LRPPRC: variants seen among roughly 807,000 people sequenced by gnomAD.
The protein encoded by LRPPRC is leucine-rich PPR motif-containing protein, mitochondrial.
In LRPPRC, 120 loss-of-function variants were observed where a neutral mutation model predicts 180.3. That is an observed-to-expected ratio of 0.67 (90% CI 0.57 to 0.77). LRPPRC has a LOEUF of 0.77. Ranked by LOEUF, LRPPRC falls within the 30% of genes least tolerant of loss-of-function variation. The pLI is 0.00. For synonymous variants in LRPPRC, 723 were observed against 600.0 expected, an observed-to-expected ratio of 1.21 and a Z score of -3.00; for missense variants, 2,012 against 1,657.2, an observed-to-expected ratio of 1.21 and a Z score of -3.72.
chr2:43,970,161 A>G (rs748322064), intron 11 of LRPPRC, among the ~76,000 whole-genome samples: 14 of 152,232 alleles, frequency 9.2e-5, no homozygotes, highest in Non-Finnish European at 1.5e-4. Context: ...CCATCTTCTA[A>G]GCCTCAAATA....
At position 43,889,733 on chromosome 2, in the gene LRPPRC, C is replaced by T. The variant is rs1475772376; in HGVS notation, c.4128+1G>A. The stretch of plus-strand genomic sequence containing the variant: ...TTTCCCCTTAATTAAGAAATACTCA[C>T]AGGGGGTTCAATGAAAGGGACAGGC... On this transcript the variant is annotated splice_donor_variant, in intron 37 of 37. Coordinates refer to ENST00000260665, the MANE Select transcript of LRPPRC (RefSeq NM_133259.4). LOFTEE classifies it high-confidence loss of function. 4 of 1,610,276 alleles carry T rather than the reference C, an allele frequency of 2.5e-6. No homozygotes were observed. Among genetic ancestry groups the T allele is most frequent in the African/African-American group, 2.7e-5 (2 of 74,840 alleles).
At chr2:43,972,156 C>T (rs1451854161) in intron 11 of LRPPRC, among the ~76,000 whole-genome samples, 1 of 152,138 alleles carries the variant, frequency 6.6e-6, no homozygotes. Context: ...CTATTCTAAT[C>T]CCAGCCTAAT....
At chr2:43,906,607 C>A (rs1490786579) in intron 30 of LRPPRC, among the ~76,000 whole-genome samples, 1 of 152,190 alleles carries the variant, frequency 6.6e-6, no homozygotes, top group Non-Finnish European at 1.5e-5. Context: ...AAAATCTAAA[C>A]AGGTCAAAAG....
chr2:43,898,483 C>T (rs1200772643), intron 34 of LRPPRC, among the ~76,000 whole-genome samples: 2 of 152,186 alleles, frequency 1.3e-5, no homozygotes, highest in Non-Finnish European at 2.9e-5. Flanking sequence ...TTGACTGCCA[C>T]CTGCTGGGAA....
chr2:43,942,520 G>T (rs1672519431), intron 23 of LRPPRC, among the ~76,000 whole-genome samples: 1 of 152,098 alleles, frequency 6.6e-6, no homozygotes, highest in Non-Finnish European at 1.5e-5. Flanking sequence ...TTTTTGATTG[G>T]ATGGCAAAGG....
chr2:43,941,162 T>C (rs952086608), intron 23 of LRPPRC, among the ~76,000 whole-genome samples: 1 of 152,238 alleles, frequency 6.6e-6, no homozygotes, highest in Non-Finnish European at 1.5e-5. Flanking sequence ...AAAGCTTTTT[T>C]ACATTGTCTA....
intron 36 of LRPPRC, among the ~76,000 whole-genome samples, 180 bp downstream of exon 36, chr2:43,894,364 GT>G (rs1268277342): frequency 6.6e-6 from 1 of 152,062 alleles, no homozygotes; most frequent in East Asian, 1.9e-4. Context: ...TTTCTTAATA[GT>G]TTAAAAACAT....
chr2:43,946,874 G>A (rs115881755), intron 20 of LRPPRC, among the ~76,000 whole-genome samples: 1 of 152,002 alleles, frequency 6.6e-6, no homozygotes, highest in Non-Finnish European at 1.5e-5. Flanking sequence ...CTTTTTTCCA[G>A]CAGGAAAATG....
rs1017779778 is a variant in LRPPRC, at chr2:43,944,094, T to C, written c.2297-200A>G. Among the ~76,000 whole-genome samples the C allele has an allele frequency of 5.3e-5, 8 of 152,060 alleles. No homozygotes were observed. In the East Asian group the frequency reaches 1.3e-3, roughly 26 times the overall value. ...ATGGTTTTATCATTTCCCTGCAACT[T>C]TGACTACAAATTATAGATAGGGACT... On this transcript the variant is annotated intron_variant, in intron 22 of 37. Coordinates refer to ENST00000260665, the MANE Select transcript of LRPPRC (RefSeq NM_133259.4).
intron 29 of LRPPRC, among the ~76,000 whole-genome samples, chr2:43,916,922 G>A (rs1671489094): frequency 7.3e-6 from 1 of 137,474 alleles, no homozygotes. Flanking sequence ...TCCAGTCTGG[G>A]TGACAGAGTG....
intron 25 of LRPPRC, among the ~76,000 whole-genome samples, chr2:43,932,163 CTG>C (rs1672116347): frequency 8.3e-6 from 1 of 120,286 alleles, no homozygotes; most frequent in Admixed American, 9.1e-5. Flanking sequence ...AGACTGGAGA[CTG>C]TCAAATATAC....
At chr2:43,925,507 C>G (rs1384158433) in intron 26 of LRPPRC, among the ~76,000 whole-genome samples, 2 of 152,274 alleles carry the variant, frequency 1.3e-5, no homozygotes, top group Middle Eastern at 3.4e-3. Context: ...AAACTTTACA[C>G]TCTTCTTGCC....
chr2:43,934,621 T>C, intron 24 of LRPPRC, 133 bp downstream of exon 24: 1 of 720,228 alleles, frequency 1.4e-6, no homozygotes, highest in South Asian at 2.0e-5. Context: ...TATTTTTCTT[T>C]TAGATTTCAC....
At chr2:43,890,344 A>G (rs1275868717) in intron 36 of LRPPRC, 1 of 470,236 alleles carries the variant, frequency 2.1e-6, no homozygotes, top group Non-Finnish European at 4.4e-6. Flanking sequence ...GCTCAACATC[A>G]AAAAAGCTTT....
chr2:43,918,005 C>G lies in LRPPRC; in HGVS notation c.3148+20G>C. ...GAAGACCACCCCCCCACACACACCC[C>G]CATCCCCGTATGTGCTTGCCTTTTT... is the stretch of plus-strand genomic sequence containing the variant. On this transcript the variant is annotated intron_variant, in intron 29 of 37. Coordinates refer to ENST00000260665, the MANE Select transcript of LRPPRC (RefSeq NM_133259.4). 1 of 1,529,476 alleles carries G rather than the reference C, an allele frequency of 6.5e-7. No individual in the cohort carries two copies. The allele number at this position is 1,529,476 out of a possible 1,614,324, so 94.7% of individuals were successfully genotyped here.
chr2:43,986,873 T>G (rs1465869472), intron 1 of LRPPRC, among the ~76,000 whole-genome samples: 1 of 152,220 alleles, frequency 6.6e-6, no homozygotes, highest in Non-Finnish European at 1.5e-5. Flanking sequence ...AATAAGGGAT[T>G]TGGATTTTAT....
intron 36 of LRPPRC, among the ~76,000 whole-genome samples, chr2:43,892,254 T>C (rs961016826): frequency 2.0e-5 from 3 of 152,188 alleles, no homozygotes; most frequent in Non-Finnish European, 4.4e-5. Context: ...TCATCAAAGA[T>C]TTCATAGCTA....
At chr2:43,966,269 C>G (rs1257049124) in intron 11 of LRPPRC, among the ~76,000 whole-genome samples, 1 of 151,836 alleles carries the variant, frequency 6.6e-6, no homozygotes, top group African/African-American at 2.4e-5. Flanking sequence ...AAGTTGAACT[C>G]TGTTATGGGA....
At chr2:43,934,105 G>A in intron 25 of LRPPRC, 85 bp downstream of exon 25, 3 of 768,998 alleles carry the variant, frequency 3.9e-6, no homozygotes, top group East Asian at 2.7e-5. Flanking sequence ...CAGAACAAGT[G>A]TAATTAAAGG....
Sources: gnomAD v4.1 joint callset for allele counts (sites outside exome capture counted in the v4.1 genomes callset) on GRCh38, gnomAD v4.1.1 for gene constraint, MANE v1.5 for transcripts, NCBI Gene and HGNC (gene_info 2026-07-23, HGNC 2026-07-21) for gene names.